CDH7: variants seen among roughly 807,000 people sequenced by gnomAD.
CDH7 encodes cadherin-7.
CDH7 carries 25 observed loss-of-function variants against 71.8 expected under a neutral mutation model. The ratio of observed to expected loss-of-function variants is 0.35; its 90% confidence interval spans 0.25 to 0.49. CDH7 has a LOEUF of 0.49. Among genes scored for constraint, CDH7 ranks in the 20% least tolerant of loss-of-function variants. CDH7 has a pLI of 0.99. For missense variants in CDH7, 862 were observed against 974.6 expected, an observed-to-expected ratio of 0.88 and a Z score of 1.54; for synonymous variants, 381 against 363.8, an observed-to-expected ratio of 1.05 and a Z score of -0.54.
intron 6 of CDH7, among the ~76,000 whole-genome samples, chr18:65,828,302 A>G (rs1172369440): frequency 6.6e-6 from 1 of 152,132 alleles, no homozygotes; most frequent in Non-Finnish European, 1.5e-5. Context: ...AAGCTTACTA[A>G]TTACGAAGGT....
chr18:65,759,742 C>A (rs1010907691), intron 1 of CDH7, among the ~76,000 whole-genome samples: 1 of 152,164 alleles, frequency 6.6e-6, no homozygotes, highest in Non-Finnish European at 1.5e-5. Context: ...AATCCAAGGT[C>A]GTACAAAGTG....
At chr18:65,825,672 T>A (rs866349238) in intron 6 of CDH7, among the ~76,000 whole-genome samples, 1 of 151,998 alleles carries the variant, frequency 6.6e-6, no homozygotes, top group Middle Eastern at 3.4e-3. Context: ...TTGTAATTAA[T>A]ACTTTTCAAT....
intron 6 of CDH7, among the ~76,000 whole-genome samples, chr18:65,825,816 C>T (rs1912110144): frequency 6.6e-6 from 1 of 151,746 alleles, no homozygotes; most frequent in Admixed American, 6.6e-5. Context: ...AAGCTGGTGA[C>T]AATCTGTGTA....
intron 2 of CDH7, among the ~76,000 whole-genome samples, chr18:65,783,355 G>T (rs776879797): frequency 1.3e-5 from 2 of 152,108 alleles, no homozygotes; most frequent in African/African-American, 4.8e-5. Flanking sequence ...ATTCTGAAAA[G>T]CTTATAACAT....
chr18:65,852,110 T>C (rs1913170794), intron 7 of CDH7, among the ~76,000 whole-genome samples: 1 of 152,072 alleles, frequency 6.6e-6, no homozygotes, highest in Admixed American at 6.6e-5. Flanking sequence ...CACCACTTAA[T>C]ACATCAGTTT....
chr18:65,781,852 T>TC (rs1910237029), intron 2 of CDH7, among the ~76,000 whole-genome samples: 1 of 87,864 alleles, frequency 1.1e-5, no homozygotes, highest in Non-Finnish European at 2.0e-5. Context: ...CTTTCTTTCT[T>TC]TCTTTCTTTC....
rs1020224669 is a variant in CDH7 at position 65,889,156 on chromosome 18, G to T, written c.*8262G>T. The T allele has an allele frequency of 6.6e-6, 1 of 152,016 alleles. No individual in the cohort carries two copies. The highest frequency in any genetic ancestry group is 2.4e-5 in the African/African-American group (1 of 41,366). The allele number at this position is 152,016 out of a possible 1,614,324, so 9.4% of individuals were successfully genotyped here. On this transcript the variant is annotated 3_prime_UTR_variant, in exon 12 of 12. Coordinates refer to ENST00000397968, the MANE Select transcript of CDH7 (RefSeq NM_004361.5). Reference sequence around the variant, plus strand: ...GAATGGACGAGAGCACAAAAACACGGCAGACCAGATTTTCTGAGGGTTACC... The same window carrying T: ...GAATGGACGAGAGCACAAAAACACGTCAGACCAGATTTTCTGAGGGTTACC...
intron 11 of CDH7, among the ~76,000 whole-genome samples, chr18:65,875,919 ACT>A (rs1400843348): frequency 6.6e-6 from 1 of 152,122 alleles, no homozygotes; most frequent in African/African-American, 2.4e-5. Flanking sequence ...ACAAAGTGAG[ACT>A]CTGTCTCCAA....
intron 2 of CDH7, among the ~76,000 whole-genome samples, chr18:65,772,251 T>A (rs778024822): frequency 6.6e-6 from 1 of 152,144 alleles, no homozygotes; most frequent in East Asian, 1.9e-4. Flanking sequence ...TAAGGGTCCA[T>A]ATTGGAGTGG....
At chr18:65,849,206 G>T (rs2628254) in intron 7 of CDH7, among the ~76,000 whole-genome samples, 7,525 of 151,666 alleles carry the variant, frequency 0.05, 604 homozygotes, top group African/African-American at 0.17. Context: ...CACTAAAAAT[G>T]AAAAAAAGAA....
intron 6 of CDH7, among the ~76,000 whole-genome samples, chr18:65,841,559 T>C (rs79326432): frequency 0.06 from 9,162 of 152,220 alleles, 332 homozygotes; most frequent in Non-Finnish European, 0.069. Flanking sequence ...AAGAACAAAC[T>C]GAGGTTATTA....
chr18:65,760,725 T>C (rs1261190213), intron 1 of CDH7, among the ~76,000 whole-genome samples: 3 of 152,126 alleles, frequency 2.0e-5, no homozygotes, highest in African/African-American at 7.2e-5. Flanking sequence ...TACCACTATA[T>C]GAAGGAAGAA....
chr18:65,753,083 A>G (rs760378399), intron 1 of CDH7, among the ~76,000 whole-genome samples: 5 of 152,210 alleles, frequency 3.3e-5, no homozygotes, highest in African/African-American at 9.7e-5. Flanking sequence ...TTAGTGTCCA[A>G]TGAAGAAGAG....
intron 6 of CDH7, 95 bp from the exon 7 acceptor site, chr18:65,843,717 T>G (rs750379125): frequency 1.3e-4 from 147 of 1,134,786 alleles, no homozygotes; most frequent in Non-Finnish European, 1.7e-4. Context: ...CATGACAGAG[T>G]CCTTCCTAAG....
chr18:65,781,166 C>T (rs2143829263), intron 2 of CDH7, among the ~76,000 whole-genome samples: 1 of 152,228 alleles, frequency 6.6e-6, no homozygotes, highest in East Asian at 1.9e-4. Flanking sequence ...AAATTCGATT[C>T]TGTCTCATAG....
intron 5 of CDH7, among the ~76,000 whole-genome samples, 200 bp downstream of exon 5, chr18:65,822,448 A>G (rs1911969857): frequency 6.6e-6 from 1 of 152,098 alleles, no homozygotes; most frequent in Non-Finnish European, 1.5e-5. Context: ...AATAGAAGCC[A>G]TCATATATTT....
At chr18:65,768,503 A>G (rs1183542711) in intron 2 of CDH7, among the ~76,000 whole-genome samples, 7 of 152,060 alleles carry the variant, frequency 4.6e-5, no homozygotes, top group Non-Finnish European at 8.8e-5. Flanking sequence ...CCCAAAGTGT[A>G]TATTAGCTGT....
At chr18:65,858,428 A>G (rs1389613529) in intron 8 of CDH7, among the ~76,000 whole-genome samples, 2 of 151,998 alleles carry the variant, frequency 1.3e-5, no homozygotes, top group South Asian at 2.1e-4. Context: ...TATATTGTGT[A>G]TTTTAATGTG....
Position 65,881,105 on chromosome 18 carries a change from C to A in CDH7, c.*211C>A. ...AGACTTATCTAAAGGACTGCACTGACCACAGACTCTGAGCATTTGAAGGTT... is the reference window on the plus strand; with the variant it reads ...AGACTTATCTAAAGGACTGCACTGAACACAGACTCTGAGCATTTGAAGGTT... On this transcript the variant is annotated 3_prime_UTR_variant, in exon 12 of 12. Coordinates refer to ENST00000397968, the MANE Select transcript of CDH7 (RefSeq NM_004361.5). 1 of 448,616 alleles carries A rather than the reference C, an allele frequency of 2.2e-6. No individual in the cohort carries two copies. Among genetic ancestry groups the A allele is most frequent in the Non-Finnish European group, 3.9e-6 (1 of 259,698 alleles). 27.8% of individuals were successfully genotyped at this position (448,616 alleles called of 1,614,324 possible).
Sources: allele counts gnomAD v4.1 joint callset (sites outside exome capture counted in the v4.1 genomes callset), GRCh38; gene constraint gnomAD v4.1.1; transcripts MANE v1.5; gene names NCBI Gene and HGNC (gene_info 2026-07-23, HGNC 2026-07-21).